IFT70A: variants seen among roughly 807,000 people sequenced by gnomAD.
IFT70A encodes the protein intraflagellar transport 70A, also known as intraflagellar transport protein 70A.
the IFT70A span, chr2:177,618,397 G>T: frequency 6.2e-7 from 1 of 1,613,192 alleles, no homozygotes; most frequent in Non-Finnish European, 8.5e-7. Flanking sequence ...GAGAAGGAAG[G>T]CGACCCGAGT....
the IFT70A span, chr2:177,617,825 G>C: frequency 6.2e-7 from 1 of 1,614,218 alleles, no homozygotes; most frequent in Non-Finnish European, 8.5e-7. Flanking sequence ...ATTAGTGCCT[G>C]GTTGTGCAGG....
the IFT70A span, chr2:177,617,662 G>A: frequency 6.2e-7 from 1 of 1,614,184 alleles, no homozygotes; most frequent in South Asian, 1.1e-5. Context: ...CGTCAAATGG[G>A]CATTTTCTGC....
the IFT70A span, chr2:177,616,672 G>A: frequency 1.1e-5 from 16 of 1,467,052 alleles, no homozygotes; most frequent in East Asian, 3.6e-4. Flanking sequence ...ACGTAAGAAA[G>A]CCATTTTGAA....
At chr2:177,618,052 C>T in the IFT70A span, 20,502 of 1,614,192 alleles carry the variant, frequency 0.013, 151 homozygotes, top group Non-Finnish European at 0.015. Context: ...GCGGATGCCA[C>T]GCTCAATAAT....
At chr2:177,613,144 T>C in the IFT70A span, 9 of 152,242 alleles carry the variant, frequency 5.9e-5, no homozygotes, top group African/African-American at 1.7e-4. Flanking sequence ...AAATCATGTA[T>C]AGCTCTCCTC....
At chr2:177,616,527 C>T in the IFT70A span, 1 of 495,396 alleles carries the variant, frequency 2.0e-6, no homozygotes, top group Admixed American at 3.9e-5. Flanking sequence ...GCAGCTTACA[C>T]TGCATAGTCC....
chr2:177,618,382 T>C, the IFT70A span: 236 of 1,613,540 alleles, frequency 1.5e-4, 3 homozygotes, highest in South Asian at 2.5e-3. Flanking sequence ...GGCGGGGTTA[T>C]CCAGGAGAAG....
At chr2:177,618,435 C>A in the IFT70A span, 3 of 1,609,348 alleles carry the variant, frequency 1.9e-6, no homozygotes, top group East Asian at 6.7e-5. Context: ...AGGCCTTGTA[C>A]AGGGCCTGGG....
the IFT70A span, chr2:177,617,715 G>C: frequency 5.0e-6 from 8 of 1,614,170 alleles, no homozygotes; most frequent in Middle Eastern, 1.6e-4. Flanking sequence ...ATTTACAGTA[G>C]AGCAGCAACA....
At chr2:177,615,474 T>C in the IFT70A span, 2 of 152,178 alleles carry the variant, frequency 1.3e-5, no homozygotes, top group Non-Finnish European at 2.9e-5. Flanking sequence ...CCACCCTATA[T>C]ATATTCATAG....
the IFT70A span, chr2:177,617,650 T>C: frequency 6.2e-7 from 1 of 1,614,240 alleles, no homozygotes; most frequent in Non-Finnish European, 8.5e-7. Flanking sequence ...GAGGAACTTA[T>C]ACGTCAAATG....
At chr2:177,618,511 G>A in the IFT70A span, 7 of 1,586,404 alleles carry the variant, frequency 4.4e-6, no homozygotes, top group African/African-American at 1.3e-5. Context: ...GCACTCGGCC[G>A]CCAGCGCGAA....
chr2:177,615,045 T>C, the IFT70A span: 2 of 152,208 alleles, frequency 1.3e-5, no homozygotes, highest in Non-Finnish European at 2.9e-5. Flanking sequence ...TATCCATTAC[T>C]TCTGTTCTGT....
chr2:177,614,249 G>A, the IFT70A span: 1 of 152,080 alleles, frequency 6.6e-6, no homozygotes, highest in Non-Finnish European at 1.5e-5. Context: ...GCTAATGTCT[G>A]GCCCTATTTT....
the IFT70A span, chr2:177,616,108 A>T: frequency 2.0e-5 from 3 of 152,234 alleles, no homozygotes; most frequent in African/African-American, 7.2e-5. Context: ...GAAAAGAACC[A>T]AGAAAAGAAA....
chr2:177,613,629 T>C, the IFT70A span: 10 of 152,328 alleles, frequency 6.6e-5, no homozygotes, highest in East Asian at 9.6e-4. Context: ...ACATGTTTTA[T>C]AGCAGATGCC....
chr2:177,617,840 C>G, the IFT70A span: 14 of 1,614,112 alleles, frequency 8.7e-6, no homozygotes. Flanking sequence ...TGCAGGGTCA[C>G]AGGGTCCAAC....
At chr2:177,617,380 G>A in the IFT70A span, 31 of 1,598,796 alleles carry the variant, frequency 1.9e-5, no homozygotes, top group South Asian at 3.1e-4. Context: ...TTCCACCATT[G>A]GATAATTTTC....
the IFT70A span, chr2:177,618,528 C>A: frequency 3.8e-6 from 6 of 1,590,552 alleles, no homozygotes; most frequent in Admixed American, 1.1e-4. Flanking sequence ...CGAACTCCTG[C>A]AGGCGGTAGT....
Sources: gnomAD v4.1 joint callset for allele counts on GRCh38, gnomAD v4.1.1 for gene constraint, MANE v1.5 for transcripts, NCBI Gene and HGNC (gene_info 2026-07-23, HGNC 2026-07-21) for gene names.